EXOC6: variants seen among roughly 807,000 people sequenced by gnomAD.
EXOC6 encodes the protein SEC15-like 1.
Under a neutral mutation model 112.5 loss-of-function variants are expected in EXOC6, and 60 were observed. The observed-to-expected ratio is 0.53, with a 90% CI of 0.43 to 0.66. EXOC6 has a LOEUF of 0.66. Among genes scored for constraint, EXOC6 ranks in the 30% least tolerant of loss-of-function variants. The pLI, the probability that EXOC6 is intolerant of heterozygous loss-of-function variation, is 0.00. For synonymous variants in EXOC6, 295 were observed against 308.0 expected, an observed-to-expected ratio of 0.96 and a Z score of 0.44; for missense variants, 855 against 957.1, an observed-to-expected ratio of 0.89 and a Z score of 1.41.
At chr10:92,905,237 C>T (rs1208123463) in intron 5 of EXOC6, among the ~76,000 whole-genome samples, 2 of 151,982 alleles carry the variant, frequency 1.3e-5, no homozygotes, top group African/African-American at 4.8e-5. Flanking sequence ...CTTTGTTCTT[C>T]AATATTGTGT....
At chr10:93,010,143 A>G (rs1844174131) in intron 19 of EXOC6, among the ~76,000 whole-genome samples, 1 of 152,232 alleles carries the variant, frequency 6.6e-6, no homozygotes, top group South Asian at 2.1e-4. Context: ...AATCAATAGC[A>G]TATCATTACG....
chr10:92,934,565 A>G, intron 11 of EXOC6, 135 bp downstream of exon 11: 1 of 713,658 alleles, frequency 1.4e-6, no homozygotes. Flanking sequence ...TGGAAGTAGT[A>G]ATGTCAGGCT....
At chr10:92,827,849 C>T (rs1387497922) in intron 1 of EXOC6, among the ~76,000 whole-genome samples, 1 of 152,172 alleles carries the variant, frequency 6.6e-6, no homozygotes, top group Non-Finnish European at 1.5e-5. Flanking sequence ...ACCTCTGGCT[C>T]CACTGGGTTT....
intron 18 of EXOC6, among the ~76,000 whole-genome samples, chr10:92,987,008 AATTT>A (rs2134141162): frequency 6.6e-6 from 1 of 152,254 alleles, no homozygotes; most frequent in African/African-American, 2.4e-5. Flanking sequence ...TTCCTCGAGT[AATTT>A]ATTTAAGCTG....
In EXOC6 at chr10:92,856,179, T is replaced by C. The variant is rs1847593127; in HGVS notation, c.101+7545T>C. Among the ~76,000 whole-genome samples, 3 of 152,062 alleles carry C rather than the reference T, an allele frequency of 2.0e-5. 1 individual carries two copies. The South Asian group carries it at 6.2e-4, about 31-fold the overall frequency. Reference sequence around the variant, plus strand: ...GCACCTGGCCTCTCTATTGTTTTTCTGTTACATTTACATCTGATCTAATCT... The same window carrying C: ...GCACCTGGCCTCTCTATTGTTTTTCCGTTACATTTACATCTGATCTAATCT... On this transcript the variant is annotated intron_variant, in intron 1 of 21. Coordinates refer to ENST00000260762, the MANE Select transcript of EXOC6 (RefSeq NM_019053.6).
At chr10:92,905,408 A>G (rs760699906) in intron 5 of EXOC6, among the ~76,000 whole-genome samples, 5 of 152,076 alleles carry the variant, frequency 3.3e-5, no homozygotes, top group Non-Finnish European at 5.9e-5. Context: ...CTTCGTATTC[A>G]TTAATATGGA....
chr10:92,917,025 G>A (rs957328861), intron 7 of EXOC6, among the ~76,000 whole-genome samples: 9 of 150,606 alleles, frequency 6.0e-5, no homozygotes, highest in Non-Finnish European at 8.9e-5. Flanking sequence ...GTGCAGTGGC[G>A]CTATCTTGGC....
chr10:93,055,245 G>C (rs1322474107), intron 20 of EXOC6, among the ~76,000 whole-genome samples: 1 of 152,164 alleles, frequency 6.6e-6, no homozygotes, highest in Non-Finnish European at 1.5e-5. Context: ...ATTATCCCAA[G>C]TTATTTAAAA....
chr10:93,019,626 T>C (rs1016639545), intron 20 of EXOC6, among the ~76,000 whole-genome samples: 1 of 152,116 alleles, frequency 6.6e-6, no homozygotes, highest in African/African-American at 2.4e-5. Context: ...CTTTGAGGGA[T>C]TGAGGTTGAC....
intron 18 of EXOC6, among the ~76,000 whole-genome samples, chr10:92,975,369 G>A (rs1842484375): frequency 6.7e-6 from 1 of 148,804 alleles, no homozygotes; most frequent in African/African-American, 2.5e-5. Flanking sequence ...CCTCCGCCCG[G>A]CAGCCGCCCC....
chr10:92,985,890 A>C (rs965424577), intron 18 of EXOC6, among the ~76,000 whole-genome samples: 3 of 152,164 alleles, frequency 2.0e-5, no homozygotes, highest in Non-Finnish European at 4.4e-5. Flanking sequence ...TGAAAAATAC[A>C]AGGATTGCAA....
At position 92,948,312 on chromosome 10, in the gene EXOC6, T is replaced by C; in HGVS notation, c.1349T>C (p.Val450Ala). 6.2e-7 allele frequency: 1 copy of C among 1,610,056 alleles called. No individual in the cohort carries two copies. The highest frequency in any genetic ancestry group is 1.7e-5 in the Admixed American group (1 of 59,346). The change falls in exon 14 of 22, where the codon GTT becomes GCT. Residue 450 changes from valine (V) to alanine (A), a missense_variant. By Grantham distance (64) the Val-to-Ala change is moderately conservative (BLOSUM62 0). Coordinates refer to ENST00000260762, the MANE Select transcript of EXOC6 (RefSeq NM_019053.6). ...GAAGATAATTACAGCCCCATCCCTG[T>C]TGTCAATGAAGAAGAATATAAAATT... Reference protein sequence around the residue: ...FEEDNYSPIPVVNEEEYKIVI... With the variant: ...FEEDNYSPIPAVNEEEYKIVI...
intron 12 of EXOC6, among the ~76,000 whole-genome samples, chr10:92,939,742 A>G (rs1852551575): frequency 6.6e-6 from 1 of 152,134 alleles, no homozygotes; most frequent in South Asian, 2.1e-4. Flanking sequence ...TACACAAGGA[A>G]ACTGGAAGGA....
intron 1 of EXOC6, among the ~76,000 whole-genome samples, chr10:92,850,457 G>T (rs1019994941): frequency 2.6e-5 from 4 of 152,102 alleles, no homozygotes; most frequent in African/African-American, 9.7e-5. Context: ...CACATATAGA[G>T]GGTACTGCTA....
At chr10:92,935,611 G>A (rs1852296327) in intron 11 of EXOC6, among the ~76,000 whole-genome samples, 2 of 151,994 alleles carry the variant, frequency 1.3e-5, no homozygotes, top group African/African-American at 4.8e-5. Context: ...AGCATCATAA[G>A]TATCATATTA....
chr10:92,863,170 G>C (rs1847990182), intron 1 of EXOC6, among the ~76,000 whole-genome samples: 1 of 152,214 alleles, frequency 6.6e-6, no homozygotes, highest in Non-Finnish European at 1.5e-5. Context: ...TTACATAACA[G>C]CTACTTTAAA....
chr10:92,992,287 CAAAAAAA>C (rs35924745), intron 18 of EXOC6, among the ~76,000 whole-genome samples: 1 of 74,212 alleles, frequency 1.3e-5, no homozygotes, highest in Admixed American at 1.8e-4. Context: ...GACTCTGTCT[CAAAAAAA>C]AAAAAAAAAA....
chr10:93,013,481 G>A (rs913749613), intron 19 of EXOC6, among the ~76,000 whole-genome samples: 1 of 152,076 alleles, frequency 6.6e-6, no homozygotes, highest in Non-Finnish European at 1.5e-5. Context: ...GGCGGCATGC[G>A]CCTGTAGTCC....
intron 17 of EXOC6, among the ~76,000 whole-genome samples, chr10:92,956,960 T>C (rs1203659421): frequency 6.6e-6 from 1 of 152,098 alleles, no homozygotes; most frequent in Non-Finnish European, 1.5e-5. Flanking sequence ...AGTCAGGCTC[T>C]GAGCACTCTG....
Sources: gnomAD v4.1 joint callset for allele counts (sites outside exome capture counted in the v4.1 genomes callset) on GRCh38, gnomAD v4.1.1 for gene constraint, MANE v1.5 for transcripts, NCBI Gene and HGNC (gene_info 2026-07-23, HGNC 2026-07-21) for gene names.